RNF11: variants seen among roughly 807,000 people sequenced by gnomAD.
RNF11 encodes ring finger protein 11.
A neutral mutation model predicts 15.8 loss-of-function variants in RNF11; 4 were observed. The observed-to-expected ratio is 0.25, with a 90% CI of 0.12 to 0.58. The LOEUF (loss-of-function observed/expected upper bound fraction) is 0.58, where lower values mean the gene tolerates loss of function less well. Among genes scored for constraint, RNF11 ranks in the 20% least tolerant of loss-of-function variants. RNF11 has a pLI of 0.91. For synonymous variants in RNF11, 68 were observed against 72.3 expected, an observed-to-expected ratio of 0.94 and a Z score of 0.30; for missense variants, 139 against 194.4, an observed-to-expected ratio of 0.71 and a Z score of 1.70.
intron 1 of RNF11, among the ~76,000 whole-genome samples, chr1:51,237,967 T>C (rs188230218): frequency 4.0e-5 from 6 of 151,496 alleles, no homozygotes; most frequent in Admixed American, 2.6e-4. Flanking sequence ...AACCTGATCA[T>C]ATATATGCTC....
rs148794149 is a variant in RNF11 at position 51,252,949 on chromosome 1, C to T, written c.123+16070C>T. On this transcript the variant is annotated intron_variant, in intron 1 of 2. Transcript: ENST00000242719. ...TCAAGCGATTCTCCTGCCTCAGCCTCCCAAGTAGCTGGGATTATAGGCGCC... is the reference window on the plus strand; with the variant it reads ...TCAAGCGATTCTCCTGCCTCAGCCTTCCAAGTAGCTGGGATTATAGGCGCC... Among the ~76,000 whole-genome samples the T allele has an allele frequency of 7.2e-4, 109 of 151,880 alleles. 2 individuals carry two copies. In the East Asian group the frequency reaches 0.019, roughly 27 times the overall value.
intron 1 of RNF11, among the ~76,000 whole-genome samples, chr1:51,237,189 T>C (rs1346845270): frequency 6.6e-6 from 1 of 152,064 alleles, no homozygotes; most frequent in Non-Finnish European, 1.5e-5. Context: ...TTCCTGTCTT[T>C]ATGTCTGAAT....
chr1:51,245,743 C>T (rs1162256875), intron 1 of RNF11, among the ~76,000 whole-genome samples: 3 of 152,162 alleles, frequency 2.0e-5, no homozygotes, highest in Non-Finnish European at 4.4e-5. Context: ...AGCTACTGGG[C>T]TGGACACCAA....
intron 1 of RNF11, among the ~76,000 whole-genome samples, chr1:51,244,875 G>A (rs1329683041): frequency 6.6e-6 from 1 of 152,170 alleles, no homozygotes; most frequent in East Asian, 1.9e-4. Flanking sequence ...AAGATAGTCT[G>A]TTCAGAGTTT....
rs1646986400 is a variant in RNF11, at chr1:51,272,890, A to G, written c.*1568A>G. ...GCATTATAGAGGAATGTAGTATGTC[A>G]TAAGTACTTTGTAAAGATTTGACAT... is the stretch of plus-strand genomic sequence containing the variant. On this transcript the variant is annotated 3_prime_UTR_variant, in exon 3 of 3. Coordinates refer to ENST00000242719, the MANE Select transcript of RNF11 (RefSeq NM_014372.5). 2.0e-5 allele frequency: 3 copies of G among 152,178 alleles called. No homozygotes were observed. Among genetic ancestry groups the G allele is most frequent in the Non-Finnish European group, 2.9e-5 (2 of 67,990 alleles). The allele number at this position is 152,178 out of a possible 1,614,324, so 9.4% of individuals were successfully genotyped here.
chr1:51,268,061 C>A (rs1190720947), intron 1 of RNF11, among the ~76,000 whole-genome samples: 19 of 152,138 alleles, frequency 1.2e-4, no homozygotes, highest in African/African-American at 4.1e-4. Flanking sequence ...TGTTTTTATA[C>A]CCCTGTCTAA....
Position 51,237,089 on chromosome 1 carries a change from C to T in RNF11, c.123+210C>T, listed in dbSNP as rs986347292. Among the ~76,000 whole-genome samples, 3 of 152,092 alleles carry T rather than the reference C, an allele frequency of 2.0e-5. No homozygotes were observed. In the South Asian group the frequency reaches 6.2e-4, roughly 32 times the overall value. ...TCGGGCACCGTGTGGGGATGATACC[C>T]TCTGCCCTTGAGTTCTGGGATCAGA... On this transcript the variant is annotated intron_variant, in intron 1 of 2. Transcript: ENST00000242719.
intron 1 of RNF11, among the ~76,000 whole-genome samples, chr1:51,267,098 G>C (rs1267032153): frequency 6.6e-6 from 1 of 152,128 alleles, no homozygotes; most frequent in Non-Finnish European, 1.5e-5. Flanking sequence ...AAATTGCTGG[G>C]CATGGTGTTG....
intron 1 of RNF11, among the ~76,000 whole-genome samples, chr1:51,257,459 T>C (rs1171613476): frequency 6.6e-6 from 1 of 152,098 alleles, no homozygotes; most frequent in Admixed American, 6.5e-5. Flanking sequence ...CATTTTTTGT[T>C]TGTTTTTTTG....
At chr1:51,251,805 G>A (rs529106103) in intron 1 of RNF11, among the ~76,000 whole-genome samples, 7 of 152,162 alleles carry the variant, frequency 4.6e-5, no homozygotes, top group East Asian at 3.9e-4. Context: ...GGAGCCGGGC[G>A]AGGTGGCTCA....
chr1:51,270,837 T>G (rs896474168), intron 2 of RNF11, among the ~76,000 whole-genome samples: 1 of 152,216 alleles, frequency 6.6e-6, no homozygotes, highest in South Asian at 2.1e-4. Flanking sequence ...AATAATCCCA[T>G]TCTCCTTCAG....
intron 1 of RNF11, among the ~76,000 whole-genome samples, chr1:51,248,332 C>G (rs188031003): frequency 6.6e-6 from 1 of 151,718 alleles, no homozygotes; most frequent in Admixed American, 6.6e-5. Context: ...CTCAGCCTCC[C>G]GGGTAGCTGG....
At chr1:51,258,632 T>C (rs1646915851) in intron 1 of RNF11, among the ~76,000 whole-genome samples, 1 of 152,222 alleles carries the variant, frequency 6.6e-6, no homozygotes, top group Non-Finnish European at 1.5e-5. Flanking sequence ...GAAATACCCA[T>C]ATGTATAACA....
intron 1 of RNF11, among the ~76,000 whole-genome samples, chr1:51,269,455 C>T (rs531979966): frequency 3.9e-5 from 6 of 152,218 alleles, no homozygotes; most frequent in East Asian, 1.9e-4. Context: ...GTTATACACA[C>T]GATTCCTTTG....
At chr1:51,252,081 CAAAAAAAAAAAA>C (rs928146865) in intron 1 of RNF11, among the ~76,000 whole-genome samples, 1 of 53,650 alleles carries the variant, frequency 1.9e-5, no homozygotes, top group Non-Finnish European at 3.6e-5. Flanking sequence ...CATCTCAAAG[CAAAAAAAAAAAA>C]AAAAAAAAAG....
At chr1:51,254,650 A>G (rs1646896097) in intron 1 of RNF11, among the ~76,000 whole-genome samples, 2 of 152,034 alleles carry the variant, frequency 1.3e-5, no homozygotes, top group African/African-American at 4.8e-5. Flanking sequence ...TTTAGTAGAG[A>G]GGGGATTTCA....
chr1:51,242,177 G>T (rs1569652275), intron 1 of RNF11, among the ~76,000 whole-genome samples: 1 of 152,236 alleles, frequency 6.6e-6, no homozygotes, highest in Non-Finnish European at 1.5e-5. Context: ...ATTGTCCTGT[G>T]TTCAAATTCT....
intron 1 of RNF11, among the ~76,000 whole-genome samples, chr1:51,237,858 T>C (rs773409558): frequency 2.0e-5 from 3 of 152,234 alleles, no homozygotes; most frequent in Non-Finnish European, 4.4e-5. Context: ...TTTAGTTTTC[T>C]GACTGGGTAG....
At chr1:51,253,023 A>G (rs2148069314) in intron 1 of RNF11, among the ~76,000 whole-genome samples, 1 of 151,788 alleles carries the variant, frequency 6.6e-6, no homozygotes, top group South Asian at 2.1e-4. Flanking sequence ...ATGGGGTTTC[A>G]CCATGTCAGC....
Sources: allele counts gnomAD v4.1 joint callset (sites outside exome capture counted in the v4.1 genomes callset), GRCh38; gene constraint gnomAD v4.1.1; transcripts MANE v1.5; gene names NCBI Gene and HGNC (gene_info 2026-07-23, HGNC 2026-07-21).